TYW1: variants seen among roughly 807,000 people sequenced by gnomAD.
The protein encoded by TYW1 is S-adenosyl-L-methionine-dependent tRNA 4-demethylwyosine synthase TYW1.
A neutral mutation model predicts 96.2 loss-of-function variants in TYW1; 46 were observed. That is an observed-to-expected ratio of 0.48 (90% CI 0.38 to 0.61). The LOEUF (loss-of-function observed/expected upper bound fraction) is 0.61. Among genes scored for constraint, TYW1 ranks in the 20% least tolerant of loss-of-function variants. The probability of loss-of-function intolerance (pLI) is 0.00; values close to 1 mark genes in which losing one functional copy is unlikely to be tolerated. For missense variants in TYW1, 684 were observed against 909.6 expected (o/e 0.75, Z 3.19); for synonymous variants, 274 against 323.0 (o/e 0.85, Z 1.63).
At chr7:67,088,558 A>G (rs1796616139) in intron 11 of TYW1, among the ~76,000 whole-genome samples, 1 of 152,090 alleles carries the variant, frequency 6.6e-6, no homozygotes, top group African/African-American at 2.4e-5. Flanking sequence ...GCAGCAAGTA[A>G]TTTCAACTGA....
chr7:67,153,647 AC>A lies in TYW1; in HGVS notation c.1699-29474del, dbSNP rs1485944104. On this transcript the variant is annotated intron_variant, in intron 13 of 15. Transcript: ENST00000359626. ...TAAAAATGAAAACCACCCTGGTTGG[AC>A]CCCCATTTCCTTCCCGCTTAAGTTT... Among the ~76,000 whole-genome samples, 13 of 152,188 alleles carry A rather than the reference AC, an allele frequency of 8.5e-5. No homozygotes were observed. The South Asian group carries it at 2.7e-3, about 32-fold the overall frequency.
intron 13 of TYW1, among the ~76,000 whole-genome samples, chr7:67,179,865 A>ATATATT (rs1554386064): frequency 1.1e-5 from 1 of 87,198 alleles, no homozygotes; most frequent in Non-Finnish European, 2.2e-5. Context: ...ATATATATAT[A>ATATATT]TTTTTTTTTT....
intron 13 of TYW1, among the ~76,000 whole-genome samples, chr7:67,132,298 T>A (rs1348274261): frequency 6.6e-6 from 1 of 151,294 alleles, no homozygotes; most frequent in Non-Finnish European, 1.5e-5. Context: ...TTTGTAGAGA[T>A]ATGGTCTCAC....
intron 3 of TYW1, among the ~76,000 whole-genome samples, chr7:66,999,755 A>C (rs1584446085): frequency 1.3e-5 from 2 of 152,202 alleles, no homozygotes; most frequent in African/African-American, 4.8e-5. Flanking sequence ...TCTAGTTGAA[A>C]GATGCTTCCC....
Position 67,239,006 on chromosome 7 carries a change from C to G in TYW1, c.*477C>G, listed in dbSNP as rs550158288. 1 of 992,676 alleles carries G rather than the reference C, an allele frequency of 1.0e-6. No homozygotes were observed. The highest frequency in any genetic ancestry group is 1.7e-5 in the African/African-American group (1 of 57,454). 61.5% of individuals were successfully genotyped at this position (992,676 alleles called of 1,614,324 possible). ...AAGATAAGAGCTTGATCCCTTTCTT[C>G]TATCTTAAGACAGCACCTCCTGAAA... On this transcript the variant is annotated 3_prime_UTR_variant, in exon 16 of 16. Coordinates refer to ENST00000359626, the MANE Select transcript of TYW1 (RefSeq NM_018264.4).
intron 15 of TYW1, among the ~76,000 whole-genome samples, chr7:67,207,252 G>A (rs930666097): frequency 5.9e-5 from 9 of 152,146 alleles, no homozygotes; most frequent in Non-Finnish European, 4.4e-5. Context: ...CAGATTCTCC[G>A]TGTGCTTAGT....
At chr7:67,021,773 A>T (rs1460026618) in intron 6 of TYW1, among the ~76,000 whole-genome samples, 2 of 152,194 alleles carry the variant, frequency 1.3e-5, no homozygotes, top group African/African-American at 2.4e-5. Flanking sequence ...ATTTGATTTG[A>T]TGTGAAGATG....
Position 67,219,517 on chromosome 7 carries a change from G to A in TYW1, c.1978-18791G>A, listed in dbSNP as rs1484389677. On this transcript the variant is annotated intron_variant, in intron 15 of 15. Coordinates refer to ENST00000359626, the MANE Select transcript of TYW1 (RefSeq NM_018264.4). ...TCACAAGTGAAGCCATCAGGTCCAG[G>A]GCTATTCTTCGTAGGGAGATCTTAA... Among the ~76,000 whole-genome samples, 3 of 152,014 alleles carry A rather than the reference G, an allele frequency of 2.0e-5. No individual in the cohort carries two copies. The East Asian group carries it at 5.8e-4, about 29-fold the overall frequency.
chr7:67,016,980 ATTTTTTTTTTTTT>A (rs35358824), intron 5 of TYW1, among the ~76,000 whole-genome samples: 1 of 121,766 alleles, frequency 8.2e-6, no homozygotes, highest in African/African-American at 3.1e-5. Flanking sequence ...AGATATGTAA[ATTTTTTTTTTTTT>A]TTTTTTTTTG....
chr7:67,235,632 C>T (rs1801860249), intron 15 of TYW1, among the ~76,000 whole-genome samples: 1 of 152,106 alleles, frequency 6.6e-6, no homozygotes, highest in Admixed American at 6.5e-5. Flanking sequence ...TGGCTCACGC[C>T]TGTTATCCCA....
rs759942618 is a variant in TYW1 at position 67,098,543 on chromosome 7, G to A, written c.1387G>A (p.Val463Ile). ...GTCCTTCTCACTGTATTCTCCAGGA[G>A]TACCGGGCGTCAAAGCAGAACGCTT... Reference protein sequence around the residue: ...HQNMIKQFKGVPGVKAERFEE... With the variant: ...HQNMIKQFKGIPGVKAERFEE... Residue 463 changes from valine (V) to isoleucine (I), a missense_variant and splice_region_variant, in exon 12 of 16, where the codon GTA becomes ATA. Coordinates refer to ENST00000359626, the MANE Select transcript of TYW1 (RefSeq NM_018264.4). 1 of 1,573,952 alleles carries A rather than the reference G, an allele frequency of 6.4e-7. No individual in the cohort carries two copies. The highest frequency in any genetic ancestry group is 8.7e-7 in the Non-Finnish European group (1 of 1,155,298).
intron 10 of TYW1, among the ~76,000 whole-genome samples, chr7:67,082,016 G>A (rs543754308): frequency 2.0e-5 from 3 of 150,748 alleles, no homozygotes; most frequent in East Asian, 3.9e-4. Context: ...TTTAGGTCAT[G>A]AATTCTTTTC....
intron 12 of TYW1, among the ~76,000 whole-genome samples, chr7:67,113,259 C>T (rs377555712): frequency 2.4e-5 from 2 of 82,062 alleles, no homozygotes; most frequent in East Asian, 2.2e-4. Flanking sequence ...CTTCTGTTCC[C>T]TCCAGAATGT....
At chr7:67,027,056 T>A (rs1420933639) in intron 7 of TYW1, among the ~76,000 whole-genome samples, 4 of 152,070 alleles carry the variant, frequency 2.6e-5, no homozygotes, top group Non-Finnish European at 4.4e-5. Flanking sequence ...AAAAATTAGC[T>A]AGTTGTAGTG....
intron 15 of TYW1, among the ~76,000 whole-genome samples, chr7:67,213,382 G>T (rs532203272): frequency 6.6e-6 from 1 of 152,232 alleles, no homozygotes; most frequent in East Asian, 1.9e-4. Flanking sequence ...CTGGTAGTTG[G>T]TTATTTTCTT....
At chr7:67,161,341 G>T (rs1318898041) in intron 13 of TYW1, among the ~76,000 whole-genome samples, 1 of 152,148 alleles carries the variant, frequency 6.6e-6, no homozygotes, top group East Asian at 1.9e-4. Flanking sequence ...TCTTTATGAA[G>T]CCATGTCTTC....
At position 67,117,489 on chromosome 7, in the gene TYW1, C is replaced by T. The variant is rs374693286; in HGVS notation, c.1569C>T (p.Leu523=). Residue 523 remains leucine, a synonymous_variant, in exon 13 of 16, where the codon CTC becomes CTT. Transcript: ENST00000359626. ...NAQFPAEIRN[L]EPVTQLYVSV... ...TAAAAAAAATATTACTAAGGAACCT[C>T]GAGCCGGTTACTCAGCTGTATGTCA... 18 of 1,600,954 alleles carry T rather than the reference C, an allele frequency of 1.1e-5. No individual in the cohort carries two copies. The highest frequency in any genetic ancestry group is 8.1e-5 in the African/African-American group (6 of 73,824).
chr7:67,176,864 A>C (rs78452370), intron 13 of TYW1, among the ~76,000 whole-genome samples: 42,241 of 151,378 alleles, frequency 0.28, 6,364 homozygotes, highest in African/African-American at 0.4. Context: ...TGTCCCGTGC[A>C]TTGTAGGATA....
intron 10 of TYW1, among the ~76,000 whole-genome samples, chr7:67,070,998 G>A (rs1418459590): frequency 2.0e-5 from 3 of 151,930 alleles, no homozygotes; most frequent in South Asian, 2.1e-4. Flanking sequence ...GGGCGTGGTG[G>A]TGGGCGCCTG....
Sources: allele counts gnomAD v4.1 joint callset (sites outside exome capture counted in the v4.1 genomes callset), GRCh38; gene constraint gnomAD v4.1.1; transcripts MANE v1.5; gene names NCBI Gene and HGNC (gene_info 2026-07-23, HGNC 2026-07-21).